Variants in LGR6 observed in about 807,000 individuals in gnomAD.
LGR6 encodes leucine rich repeat containing G protein-coupled receptor 6.
Under a neutral mutation model 69.4 loss-of-function variants are expected in LGR6, and 45 were observed. That is an observed-to-expected ratio of 0.65 (90% confidence interval 0.51 to 0.83). The LOEUF is 0.83. Among genes scored for constraint, LGR6 ranks in the 40% least tolerant of loss-of-function variants. LGR6 has a pLI of 0.00. For missense variants in LGR6, 1,108 were observed against 1,246.7 expected, an observed-to-expected ratio of 0.89 and a Z score of 1.68; for synonymous variants, 538 against 555.0, an observed-to-expected ratio of 0.97 and a Z score of 0.43.
At chr1:202,246,041 C>G (rs952406460) in intron 4 of LGR6, among the ~76,000 whole-genome samples, 1 of 135,522 alleles carries the variant, frequency 7.4e-6, no homozygotes. Flanking sequence ...CTCCCTCCAT[C>G]CATCCATTCA....
intron 16 of LGR6, among the ~76,000 whole-genome samples, chr1:202,311,924 T>C (rs1199521021): frequency 6.6e-6 from 1 of 152,076 alleles, no homozygotes; most frequent in Non-Finnish European, 1.5e-5. Flanking sequence ...AGGGAGGGTA[T>C]GAGGACCCGA....
intron 1 of LGR6, among the ~76,000 whole-genome samples, chr1:202,195,783 G>A (rs1658617549): frequency 1.3e-5 from 2 of 152,188 alleles, no homozygotes; most frequent in South Asian, 4.1e-4. Flanking sequence ...TCCCTTGCCT[G>A]GGTTGAAGGG....
At chr1:202,283,783 C>A (rs540716936) in intron 6 of LGR6, among the ~76,000 whole-genome samples, 10 of 152,260 alleles carry the variant, frequency 6.6e-5, no homozygotes, top group Non-Finnish European at 1.3e-4. Flanking sequence ...TAGGCAGCCC[C>A]ACCCCACAAC....
At position 202,268,060 on chromosome 1, in the gene LGR6, G is replaced by T. The variant is rs937668924; in HGVS notation, c.429-8246G>T. ...GAGAGGCTGGGAGGGGTGTCAGTCCGCGGGAAGGCAGAAGCTCATGAGCAT... is the reference window on the plus strand; with the variant it reads ...GAGAGGCTGGGAGGGGTGTCAGTCCTCGGGAAGGCAGAAGCTCATGAGCAT... On this transcript the variant is annotated intron_variant, in intron 4 of 17. Coordinates refer to ENST00000367278, the MANE Select transcript of LGR6 (RefSeq NM_001017403.2). This position sits in a 1 kb window ranked among gnomAD's most constrained non-coding sequence, Gnocchi z 4.4. 6.6e-6 allele frequency among the ~76,000 whole-genome samples: 1 copy of T among 152,156 alleles called. No individual in the cohort carries two copies. Among genetic ancestry groups the T allele is most frequent in the African/African-American group, 2.4e-5 (1 of 41,434 alleles).
At chr1:202,260,750 T>C (rs1664164179) in intron 4 of LGR6, among the ~76,000 whole-genome samples, 1 of 152,234 alleles carries the variant, frequency 6.6e-6, no homozygotes, top group Non-Finnish European at 1.5e-5. Flanking sequence ...GTTGAGAATA[T>C]ATTTTTTTGT....
chr1:202,245,370 G>A (rs1039095614), intron 4 of LGR6, among the ~76,000 whole-genome samples: 3 of 152,190 alleles, frequency 2.0e-5, no homozygotes, highest in Non-Finnish European at 4.4e-5. Flanking sequence ...TGGCTCCTGA[G>A]AGATGCTAGG....
At chr1:202,241,294 G>C (rs1045563165) in intron 4 of LGR6, among the ~76,000 whole-genome samples, 2 of 152,206 alleles carry the variant, frequency 1.3e-5, no homozygotes, top group African/African-American at 4.8e-5. Flanking sequence ...AACTCTTGTG[G>C]ACATTCCTGG....
chr1:202,249,175 C>T (rs1287419853), intron 4 of LGR6, among the ~76,000 whole-genome samples: 2 of 152,188 alleles, frequency 1.3e-5, no homozygotes. Flanking sequence ...TCTTCATCTA[C>T]AGGCGAAGCA....
In LGR6 at chr1:202,292,970, G is replaced by C. The variant is rs77050525; in HGVS notation, c.717-4538G>C. ...ACTCTGCCACAGCCAGGTATCAGTT[G>C]TGTGATATGAGTGACTAATTTAATC... On this transcript the variant is annotated intron_variant, in intron 6 of 17. Coordinates refer to ENST00000367278, the MANE Select transcript of LGR6 (RefSeq NM_001017403.2). Among the ~76,000 whole-genome samples the C allele has an allele frequency of 1.3e-3, 195 of 152,336 alleles. 1 individual carries two copies. The highest frequency in any genetic ancestry group is 4.6e-3 in the African/African-American group (190 of 41,576).
intron 1 of LGR6, among the ~76,000 whole-genome samples, chr1:202,213,102 T>A (rs1659525028): frequency 6.6e-6 from 1 of 152,132 alleles, no homozygotes; most frequent in Non-Finnish European, 1.5e-5. Flanking sequence ...ACACACTTTC[T>A]CCAGTGCTCA....
At chr1:202,197,688 G>A (rs752405094) in intron 1 of LGR6, among the ~76,000 whole-genome samples, 49 of 151,684 alleles carry the variant, frequency 3.2e-4, no homozygotes, top group Non-Finnish European at 6.6e-4. Context: ...TCTCACATGT[G>A]AGCACGAAAA....
At chr1:202,202,806 C>T (rs1658884072) in intron 1 of LGR6, among the ~76,000 whole-genome samples, 1 of 152,202 alleles carries the variant, frequency 6.6e-6, no homozygotes, top group Non-Finnish European at 1.5e-5. Flanking sequence ...GGTCCTAGGA[C>T]ACAATTCCTC....
intron 4 of LGR6, among the ~76,000 whole-genome samples, chr1:202,258,233 A>G (rs1403166182): frequency 2.6e-5 from 4 of 151,762 alleles, no homozygotes; most frequent in Non-Finnish European, 5.9e-5. Flanking sequence ...TAAGTTTCTA[A>G]TGTTTAATAG....
At chr1:202,243,225 G>C (rs537254031) in intron 4 of LGR6, among the ~76,000 whole-genome samples, 27 of 152,264 alleles carry the variant, frequency 1.8e-4, no homozygotes, top group Middle Eastern at 6.8e-3. Flanking sequence ...GCTGACCTTG[G>C]GTTGTGAGCT....
chr1:202,274,261 G>A (rs1015254654), intron 4 of LGR6, among the ~76,000 whole-genome samples: 6 of 152,168 alleles, frequency 3.9e-5, no homozygotes, highest in Non-Finnish European at 7.3e-5. Flanking sequence ...TTTATTTATT[G>A]CCCATTTATT....
intron 1 of LGR6, among the ~76,000 whole-genome samples, chr1:202,197,892 A>T (rs1239913394): frequency 1.3e-5 from 2 of 152,196 alleles, no homozygotes; most frequent in African/African-American, 4.8e-5. Flanking sequence ...CAGTAAACAG[A>T]TGGTGCCAGA....
chr1:202,300,730 A>T, intron 7 of LGR6, 119 bp from the exon 8 acceptor site: 1 of 604,400 alleles, frequency 1.7e-6, no homozygotes, highest in Middle Eastern at 2.7e-4. Flanking sequence ...CTCCAGGCCA[A>T]TGCCTCTTTT....
intron 16 of LGR6, among the ~76,000 whole-genome samples, chr1:202,313,475 T>C (rs1039561500): frequency 6.6e-6 from 1 of 152,166 alleles, no homozygotes; most frequent in African/African-American, 2.4e-5. Flanking sequence ...CTGGGCTCTG[T>C]AGTCAGACAA....
intron 4 of LGR6, among the ~76,000 whole-genome samples, chr1:202,260,429 G>A (rs1475790442): frequency 6.6e-6 from 1 of 151,940 alleles, no homozygotes; most frequent in Non-Finnish European, 1.5e-5. Context: ...TGCCTCCCGG[G>A]CTCAAGTGAT....
Sources: gnomAD v4.1 joint callset for allele counts (sites outside exome capture counted in the v4.1 genomes callset) on GRCh38, gnomAD v4.1.1 for gene constraint, Gnocchi (gnomAD v3.1) non-coding constraint, MANE v1.5 for transcripts, NCBI Gene and HGNC (gene_info 2026-07-23, HGNC 2026-07-21) for gene names.